Variants in KRT6A observed in about 807,000 individuals in gnomAD.
KRT6A encodes keratin 6A, also known as keratin, type II cytoskeletal 6A.
In KRT6A, 28 loss-of-function variants were observed where a neutral mutation model predicts 48.6. The ratio of observed to expected loss-of-function variants is 0.58; its 90% CI spans 0.43 to 0.79. The LOEUF (loss-of-function observed/expected upper bound fraction) is 0.79. KRT6A is among the 30% of genes least tolerant of loss of function. The probability of loss-of-function intolerance (pLI) is 0.00; values close to 1 mark genes in which losing one functional copy is unlikely to be tolerated. For synonymous variants in KRT6A, 301 were observed against 294.2 expected (o/e 1.02, Z -0.24); for missense variants, 687 against 724.3 (o/e 0.95, Z 0.59).
rs554572023 is a variant in KRT6A, at chr12:52,491,255, G to T, written c.756-83C>A. On this transcript the variant is annotated intron_variant, in intron 2 of 8. Coordinates refer to ENST00000330722, the MANE Select transcript of KRT6A (RefSeq NM_005554.4). ...GCAGCCTGGGATTCAACATTTTCCC[G>T]AATGGAATATATTCTAATTGGGCTT... The T allele has an allele frequency of 2.5e-6, 4 of 1,606,906 alleles. No individual in the cohort carries two copies. In the Admixed American group the frequency reaches 6.7e-5, roughly 27 times the overall value.
At position 52,488,078 on chromosome 12, in the gene KRT6A, C is replaced by T. The variant is rs893204150; in HGVS notation, c.1450G>A (p.Val484Ile). The T allele has an allele frequency of 4.3e-6, 7 of 1,614,050 alleles. No homozygotes were observed. The Admixed American group carries it at 1.0e-4, about 23-fold the overall frequency. ...AAGCAAAGGTACTTACAGATGTTGA[C>T]TTGTCCAACGCCTTCGCCATTCAGC... is the stretch of plus-strand genomic sequence containing the variant. ...CRLNGEGVGQ[V>I]NISVVQSTVS... is the part of the protein sequence containing the mutation. Residue 484 changes from valine to isoleucine, a missense_variant, in exon 8 of 9, where the codon GTC becomes ATC. By Grantham distance (29) the Val-to-Ile change is conservative. Coordinates refer to ENST00000330722, the MANE Select transcript of KRT6A (RefSeq NM_005554.4).
At position 52,491,096 on chromosome 12, in the gene KRT6A, G is replaced by A. The variant is rs376727668; in HGVS notation, c.816+16C>T. ...TCCTTCTAAATGAATTTGAACCCCC[G>A]GCTTCATCTGCTCACCTTCTTCAGA... is the stretch of plus-strand genomic sequence containing the variant. On this transcript the variant is annotated intron_variant, in intron 3 of 8. Coordinates refer to ENST00000330722, the MANE Select transcript of KRT6A (RefSeq NM_005554.4). The A allele has an allele frequency of 7.5e-5, 121 of 1,613,642 alleles. No individual in the cohort carries two copies. Among genetic ancestry groups the A allele is most frequent in the Middle Eastern group, 1.6e-4 (1 of 6,078 alleles).
At chr12:52,491,051 A>G (rs1275455621) in intron 3 of KRT6A, 61 bp downstream of exon 3, 5 of 1,613,798 alleles carry the variant, frequency 3.1e-6, no homozygotes, top group African/African-American at 2.7e-5. Flanking sequence ...CAGGGGAGCG[A>G]GGACACAAAG....
In KRT6A at chr12:52,491,406, C is replaced by T. The variant is rs541396127; in HGVS notation, c.755+116G>A. 2.8e-4 allele frequency: 392 copies of T among 1,422,924 alleles called. 1 individual carries two copies. The highest frequency in any genetic ancestry group is 3.5e-4 in the Non-Finnish European group (357 of 1,014,170). The allele number at this position is 1,422,924 out of a possible 1,614,324, so 88.1% of individuals were successfully genotyped here. ...TTGCTCCTAGGGACTAATTTGTGCTCTTCATTTCCACGGACATGGGTTGTT... is the reference window on the plus strand; with the variant it reads ...TTGCTCCTAGGGACTAATTTGTGCTTTTCATTTCCACGGACATGGGTTGTT... On this transcript the variant is annotated intron_variant, in intron 2 of 8. Transcript: ENST00000330722.
chr12:52,492,551 C>T (rs1938286716), intron 1 of KRT6A, 98 bp downstream of exon 1: 1 of 1,606,940 alleles, frequency 6.2e-7, no homozygotes, highest in Non-Finnish European at 8.5e-7. Context: ...GGGCTGAGTC[C>T]TCTTCTCCCT....
Position 52,492,757 on chromosome 12 carries a change from G to C in KRT6A, c.432C>G (p.Leu144=), listed in dbSNP as rs763361891. Residue 144 remains leucine (L), a synonymous_variant, in exon 1 of 9, where the codon CTC becomes CTG. Transcript: ENST00000330722. The stretch of plus-strand genomic sequence containing the variant: ...CGATTTGCAGGTTGAGGGGAGTCAG[G>C]AGACTCTGGTTGACGGTGACCTCTT... ...GIQEVTVNQS[L]LTPLNLQIDP... 1 of 1,613,736 alleles carries C rather than the reference G, an allele frequency of 6.2e-7. No individual in the cohort carries two copies. Among genetic ancestry groups the C allele is most frequent in the Non-Finnish European group, 8.5e-7 (1 of 1,179,930 alleles).
rs533157452 is a variant in KRT6A at position 52,488,889 on chromosome 12, C to T, written c.1204-341G>A. ...AAATCAAGACCACTTATGATTACCT[C>T]ATATAGATGCCACACTAACATACAC... is the stretch of plus-strand genomic sequence containing the variant. On this transcript the variant is annotated intron_variant, in intron 6 of 8. Coordinates refer to ENST00000330722, the MANE Select transcript of KRT6A (RefSeq NM_005554.4). Among the ~76,000 whole-genome samples the T allele has an allele frequency of 2.0e-5, 3 of 152,296 alleles. No individual in the cohort carries two copies. In the South Asian group the frequency reaches 6.2e-4, roughly 32 times the overall value.
chr12:52,491,793 G>C lies in KRT6A; in HGVS notation c.541-57C>G, dbSNP rs1025400552. The C allele has an allele frequency of 4.0e-5, 64 of 1,606,246 alleles. No individual in the cohort carries two copies. In the African/African-American group the frequency reaches 7.9e-4, roughly 20 times the overall value. On this transcript the variant is annotated intron_variant, in intron 1 of 8. Transcript: ENST00000330722. ...GCAAGGGAAGGAAGAAAAAGTGTCT[G>C]GTATCCGGTTTCCTGGCAGGTCCGG...
intron 7 of KRT6A, 24 bp from the exon 8 acceptor site, chr12:52,488,127 G>C: frequency 1.2e-6 from 2 of 1,613,996 alleles, no homozygotes; most frequent in Non-Finnish European, 1.7e-6. Flanking sequence ...CACAGGGAGG[G>C]TGAGACCTCA....
At chr12:52,492,086 C>A (rs1438132666) in intron 1 of KRT6A, among the ~76,000 whole-genome samples, 1 of 152,172 alleles carries the variant, frequency 6.6e-6, no homozygotes, top group Non-Finnish European at 1.5e-5. Flanking sequence ...ACTGATAGGA[C>A]CTCAGTTAGA....
chr12:52,493,078 G>A lies in KRT6A; in HGVS notation c.111C>T (p.Ser37=), dbSNP rs754048248. The change falls in exon 1 of 9, where the codon TCC becomes TCT. Residue 37 remains serine (S), a synonymous_variant. Coordinates refer to ENST00000330722, the MANE Select transcript of KRT6A (RefSeq NM_005554.4). ...CACCACTGCCCCTGGAGCGGGACACGGAGACGCTGCTGAAGCCAGAGCGGC... is the reference window on the plus strand; with the variant it reads ...CACCACTGCCCCTGGAGCGGGACACAGAGACGCTGCTGAAGCCAGAGCGGC... ...GVSRSGFSSV[S]VSRSRGSGGL... 4.0e-5 allele frequency: 65 copies of A among 1,613,508 alleles called. No homozygotes were observed. The highest frequency in any genetic ancestry group is 5.1e-5 in the Non-Finnish European group (60 of 1,180,032).
Position 52,492,389 on chromosome 12 carries a change from T to C in KRT6A, c.540+260A>G, listed in dbSNP as rs79709838. Among the ~76,000 whole-genome samples, 574 of 152,332 alleles carry C rather than the reference T, an allele frequency of 3.8e-3. 2 individuals are homozygous for C. Among genetic ancestry groups the C allele is most frequent in the African/African-American group, 0.013 (557 of 41,578 alleles). ...AAAGGGAAGAGTTAACCTACTCCAT[T>C]CTCTGATGGCCTCATCTGTGCTTCA... On this transcript the variant is annotated intron_variant, in intron 1 of 8. Coordinates refer to ENST00000330722, the MANE Select transcript of KRT6A (RefSeq NM_005554.4).
At position 52,487,958 on chromosome 12, in the gene KRT6A, G is replaced by A; in HGVS notation, c.1460-3C>T. The A allele has an allele frequency of 6.2e-7, 1 of 1,614,168 alleles. No homozygotes were observed. The highest frequency in any genetic ancestry group is 8.5e-7 in the Non-Finnish European group (1 of 1,179,992). On this transcript the variant is annotated splice_polypyrimidine_tract_variant and splice_region_variant and intron_variant, in intron 8 of 8. Coordinates refer to ENST00000330722, the MANE Select transcript of KRT6A (RefSeq NM_005554.4). Reference sequence around the variant, plus strand: ...GGAGACGGTGGACTGCACCACAGCTGTGATGGGGAGGGGACAAGGACACAA... The same window carrying A: ...GGAGACGGTGGACTGCACCACAGCTATGATGGGGAGGGGACAAGGACACAA...
chr12:52,488,630 G>GAAT (rs397769708), intron 6 of KRT6A, 82 bp from the exon 7 acceptor site: 2 of 1,560,564 alleles, frequency 1.3e-6, no homozygotes, highest in African/African-American at 2.7e-5. Context: ...TCCTAGTGAA[G>GAAT]GGGCCAGGAG....
At chr12:52,491,419 G>C (rs1938259446) in intron 2 of KRT6A, 103 bp downstream of exon 2, 4 of 1,460,148 alleles carry the variant, frequency 2.7e-6, no homozygotes, top group Non-Finnish European at 9.6e-7. Context: ...CATTTCCACG[G>C]ACATGGGTTG....
At chr12:52,492,163 C>T (rs933673354) in intron 1 of KRT6A, among the ~76,000 whole-genome samples, 3 of 152,238 alleles carry the variant, frequency 2.0e-5, no homozygotes, top group African/African-American at 7.2e-5. Context: ...AGTCTCTCCT[C>T]TAAAACATCC....
rs571302636 is a variant in KRT6A at position 52,487,194 on chromosome 12, T to C, written c.*526A>G. 5 of 161,160 alleles carry C rather than the reference T, an allele frequency of 3.1e-5. No individual in the cohort carries two copies. The East Asian group carries it at 7.1e-4, about 23-fold the overall frequency. The allele number at this position is 161,160 out of a possible 1,614,324, so 10.0% of individuals were successfully genotyped here. A position where few individuals can be genotyped will look rare whatever the true frequency, so the allele number is the denominator to read the frequency against. ...GAATATATTGTATTATAAATCTGCT[T>C]TATTTAGCAATTGCAAACAGCGAAG... On this transcript the variant is annotated 3_prime_UTR_variant, in exon 9 of 9. Transcript: ENST00000330722.
chr12:52,490,363 T>C, intron 5 of KRT6A: 1 of 978,556 alleles, frequency 1.0e-6, no homozygotes, highest in South Asian at 1.5e-5. Flanking sequence ...TGTCCTTGTC[T>C]ATGGTAGCTT....
At position 52,491,587 on chromosome 12, in the gene KRT6A, C is replaced by A. The variant is rs1025683602; in HGVS notation, c.690G>T (p.Gly230=). The part of the protein sequence containing the change: ...NLRRQLDSIV[G]ERGRLDSELR... Reference sequence around the variant, plus strand: ...GCTCTGAGTCCAGGCGGCCCCGTTCCCCGACAATGCTGTCCAGCTGCCTCC... The same window carrying A: ...GCTCTGAGTCCAGGCGGCCCCGTTCACCGACAATGCTGTCCAGCTGCCTCC... The change falls in exon 2 of 9, where the codon GGG becomes GGT. Residue 230 remains glycine (G), a synonymous_variant. Transcript: ENST00000330722. 2 of 1,614,026 alleles carry A rather than the reference C, an allele frequency of 1.2e-6. No individual in the cohort carries two copies. The highest frequency in any genetic ancestry group is 1.7e-6 in the Non-Finnish European group (2 of 1,180,032).
Sources: gnomAD v4.1 joint callset for allele counts (sites outside exome capture counted in the v4.1 genomes callset) on GRCh38, gnomAD v4.1.1 for gene constraint, MANE v1.5 for transcripts, NCBI Gene and HGNC (gene_info 2026-07-23, HGNC 2026-07-21) for gene names.